The following CD7 variants were observed in gnomAD, a reference collection of about 807,000 sequenced individuals.
CD7 encodes T-cell antigen CD7.
In CD7, 19 loss-of-function variants were observed where a neutral mutation model predicts 17.6. The observed-to-expected ratio is 1.08, with a 90% confidence interval of 0.75 to 1.58. The LOEUF is 1.58. Ranked by LOEUF, CD7 falls within the 40% of genes most tolerant of loss-of-function variation. The pLI is 0.00. For missense variants in CD7, 291 were observed against 327.1 expected, an observed-to-expected ratio of 0.89 and a Z score of 0.85; for synonymous variants, 160 against 159.8, an observed-to-expected ratio of 1.00 and a Z score of -0.01.
Position 82,315,336 on chromosome 17 carries a change from G to C in CD7, c.708C>G (p.Pro236=). Residue 236 remains proline (P), a synonymous_variant, in exon 4 of 4, where the codon CCC becomes CCG. Coordinates refer to ENST00000312648, the MANE Select transcript of CD7 (RefSeq NM_006137.7). ...GCCCACTGGGTCACTGGTACTGGTT[G>C]GGGGAGGACAGCGTGTTGCAGCGGC... ...SHSRCNTLSS[P]NQYQ 7 of 1,612,244 alleles carry C rather than the reference G, an allele frequency of 4.3e-6. No individual in the cohort carries two copies. Among genetic ancestry groups the C allele is most frequent in the Non-Finnish European group, 5.9e-6 (7 of 1,178,828 alleles).
Position 82,315,272 on chromosome 17 carries a change from G to T in CD7, c.*49C>A. 8.4e-7 allele frequency: 1 copy of T among 1,189,350 alleles called. No individual in the cohort carries two copies. 73.7% of individuals were successfully genotyped at this position (1,189,350 alleles called of 1,614,324 possible). A position where few individuals can be genotyped will look rare whatever the true frequency, so the allele number is the denominator to read the frequency against. On this transcript the variant is annotated 3_prime_UTR_variant, in exon 4 of 4. Coordinates refer to ENST00000312648, the MANE Select transcript of CD7 (RefSeq NM_006137.7). ...GCAGGGTGGGGGGCATGGTGGGGCA[G>T]GGAAGGTGCTGGGGGGACCACAGGC...
Position 82,315,679 on chromosome 17 carries a change from C to T in CD7, c.613-248G>A, listed in dbSNP as rs573364301. 1.8e-3 allele frequency: 970 copies of T among 548,168 alleles called. 9 individuals are homozygous for T. Among genetic ancestry groups the T allele is most frequent in the African/African-American group, 0.016 (850 of 52,852 alleles). 34.0% of individuals were successfully genotyped at this position (548,168 alleles called of 1,614,324 possible). On this transcript the variant is annotated intron_variant, in intron 3 of 3. Transcript: ENST00000312648. Reference sequence around the variant, plus strand: ...ACCCCCCCACCAAGCCCAAGCCAAGCGGGACCCCCACTCCAGCCCCAGACA... The same window carrying T: ...ACCCCCCCACCAAGCCCAAGCCAAGTGGGACCCCCACTCCAGCCCCAGACA...
Position 82,316,906 on chromosome 17 carries a change from C to T in CD7, c.158G>A (p.Gly53Asp), listed in dbSNP as rs777449291. 6 of 1,612,224 alleles carry T rather than the reference C, an allele frequency of 3.7e-6. No homozygotes were observed. The highest frequency in any genetic ancestry group is 2.5e-6 in the Non-Finnish European group (3 of 1,179,860). Residue 53 changes from glycine (G) to aspartate (D), a missense_variant, in exon 2 of 4, where the codon GGC (glycine) becomes GAC (aspartate). Transcript: ENST00000312648. ...SVNITCSTSG[G>D]LRGIYLRQLG... ...CTGCCTCAGGTAGATCCCACGCAGG[C>T]CCCCGCTGGTGGAGCAGGTGATGTT...
chr17:82,316,363 C>G lies in CD7; in HGVS notation c.444G>C (p.Arg148Ser). 3 of 1,593,746 alleles carry G rather than the reference C, an allele frequency of 1.9e-6. No homozygotes were observed. Among genetic ancestry groups the G allele is most frequent in the African/African-American group, 1.3e-5 (1 of 74,482 alleles). ...GWHRCSDAPP[R>S]ASALPAPPTG... ...TCGGTGGGGCAGGGAGGGCAGAGGC[C>G]CTTGGTGGGGCGTCCGAGCATCTGT... The change falls in exon 3 of 4, where the codon AGG becomes AGC. Residue 148 changes from arginine (R) to serine (S), a missense_variant. Coordinates refer to ENST00000312648, the MANE Select transcript of CD7 (RefSeq NM_006137.7).
Position 82,317,467 on chromosome 17 carries a change from A to G in CD7, c.29T>C (p.Leu10Pro). ...GCGAGCCAGCGCCAGAAGCAGGGGCAGCAGCAGGAGCCTCGGAGGCCCGGC... is the reference window on the plus strand; with the variant it reads ...GCGAGCCAGCGCCAGAAGCAGGGGCGGCAGCAGGAGCCTCGGAGGCCCGGC... Reference protein sequence around the residue: MAGPPRLLLLPLLLALARGL... With the variant: MAGPPRLLLPPLLLALARGL... Residue 10 changes from leucine (L) to proline (P), a missense_variant, in exon 1 of 4, where the codon CTG becomes CCG. Physicochemically the swap from Leu to Pro is moderately conservative, Grantham distance 98. Transcript: ENST00000312648. 2 of 1,574,002 alleles carry G rather than the reference A, an allele frequency of 1.3e-6. No homozygotes were observed. Among genetic ancestry groups the G allele is most frequent in the East Asian group, 2.3e-5 (1 of 42,880 alleles).
In CD7 at chr17:82,315,040, G is replaced by A; in HGVS notation, c.*281C>T. 1 of 401,120 alleles carries A rather than the reference G, an allele frequency of 2.5e-6. No individual in the cohort carries two copies. The highest frequency in any genetic ancestry group is 4.8e-6 in the Non-Finnish European group (1 of 209,778). 24.8% of individuals were successfully genotyped at this position (401,120 alleles called of 1,614,324 possible). A position where few individuals can be genotyped will look rare whatever the true frequency, so the allele number is the denominator to read the frequency against. On this transcript the variant is annotated 3_prime_UTR_variant, in exon 4 of 4. Transcript: ENST00000312648. The stretch of plus-strand genomic sequence containing the variant: ...CCACAGAAAAGCCCTCCTTGGCCAT[G>A]GTCGGGAGATGCAGCCAAAGGACAG...
rs2052023268 is a variant in CD7 at position 82,316,953 on chromosome 17, A to G, written c.111T>C (p.Thr37=). Reference sequence around the variant, plus strand: ...TGTTGACGGAGGCTCCCACGGGGACAGTCGTGCAGTGGGGAGACTGCTGCA... The same window carrying G: ...TGTTGACGGAGGCTCCCACGGGGACGGTCGTGCAGTGGGGAGACTGCTGCA... ...QEVQQSPHCT[T]VPVGASVNIT... Residue 37 remains threonine, a synonymous_variant, in exon 2 of 4, where the codon ACT becomes ACC. Coordinates refer to ENST00000312648, the MANE Select transcript of CD7 (RefSeq NM_006137.7). 1 of 1,601,102 alleles carries G rather than the reference A, an allele frequency of 6.2e-7. No individual in the cohort carries two copies. Among genetic ancestry groups the G allele is most frequent in the Admixed American group, 1.7e-5 (1 of 59,776 alleles).
intron 3 of CD7, 180 bp downstream of exon 3, chr17:82,316,015 C>T (rs1274305512): frequency 7.0e-6 from 5 of 711,814 alleles, no homozygotes; most frequent in South Asian, 3.1e-5. Context: ...CCCCTCAGGT[C>T]GCTTTGGTGC....
chr17:82,315,214 C>T lies in CD7; in HGVS notation c.*107G>A, dbSNP rs889507074. On this transcript the variant is annotated 3_prime_UTR_variant, in exon 4 of 4. Coordinates refer to ENST00000312648, the MANE Select transcript of CD7 (RefSeq NM_006137.7). ...CGGCTGGGCCCTTCAAACTCTGCTGCAGCCGTGGGAGGACAGCAGGGTGAG... is the reference window on the plus strand; with the variant it reads ...CGGCTGGGCCCTTCAAACTCTGCTGTAGCCGTGGGAGGACAGCAGGGTGAG... 30 of 744,646 alleles carry T rather than the reference C, an allele frequency of 4.0e-5. No homozygotes were observed. Among genetic ancestry groups the T allele is most frequent in the Non-Finnish European group, 6.1e-5 (27 of 439,074 alleles). The allele number at this position is 744,646 out of a possible 1,614,324, so 46.1% of individuals were successfully genotyped here. A position where few individuals can be genotyped will look rare whatever the true frequency, so the allele number is the denominator to read the frequency against.
intron 2 of CD7, 95 bp from the exon 3 acceptor site, chr17:82,316,504 G>T: frequency 1.5e-6 from 2 of 1,304,950 alleles, no homozygotes; most frequent in Non-Finnish European, 1.1e-6. Flanking sequence ...GCTGTGGAGG[G>T]GAGGAGGGGC....
chr17:82,316,928 T>C lies in CD7; in HGVS notation c.136A>G (p.Ile46Val), dbSNP rs146449655. 133 of 1,609,504 alleles carry C rather than the reference T, an allele frequency of 8.3e-5. No homozygotes were observed. Among genetic ancestry groups the C allele is most frequent in the Non-Finnish European group, 1.1e-4 (127 of 1,179,568 alleles). The stretch of plus-strand genomic sequence containing the variant: ...AGGCCCCCGCTGGTGGAGCAGGTGA[T>C]GTTGACGGAGGCTCCCACGGGGACA... ...TTVPVGASVN[I>V]TCSTSGGLRG... Residue 46 changes from isoleucine (I) to valine (V), a missense_variant, in exon 2 of 4, where the codon ATC becomes GTC. Transcript: ENST00000312648.
At position 82,316,883 on chromosome 17, in the gene CD7, G is replaced by A; in HGVS notation, c.181C>T (p.Gln61Ter). ...SGGLRGIYLR[Q>*]LGPQPQDIIY... ...ATGTCTTGGGGCTGTGGCCCGAGCT[G>A]CCTCAGGTAGATCCCACGCAGGCCC... Residue 61 changes from glutamine to a stop codon, truncating the protein, a stop_gained, in exon 2 of 4, where the codon CAG (glutamine) becomes TAG (stop). Coordinates refer to ENST00000312648, the MANE Select transcript of CD7 (RefSeq NM_006137.7). LOFTEE classifies it high-confidence loss of function. 1.2e-6 allele frequency: 2 copies of A among 1,613,428 alleles called. No individual in the cohort carries two copies. Among genetic ancestry groups the A allele is most frequent in the Non-Finnish European group, 1.7e-6 (2 of 1,179,968 alleles).
chr17:82,315,953 C>G (rs913148105), intron 3 of CD7: 1 of 494,972 alleles, frequency 2.0e-6, no homozygotes, highest in African/African-American at 2.5e-5. Context: ...ACACTCACAC[C>G]TGCACACGCG....
chr17:82,315,733 G>C lies in CD7; in HGVS notation c.613-302C>G. On this transcript the variant is annotated intron_variant, in intron 3 of 3. Coordinates refer to ENST00000312648, the MANE Select transcript of CD7 (RefSeq NM_006137.7). The stretch of plus-strand genomic sequence containing the variant: ...AGCAGGGACCGAGGGGAGTGGCCAC[G>C]CCTAGACTCTGTGTCTGTCTGAGGC... 2 of 547,246 alleles carry C rather than the reference G, an allele frequency of 3.7e-6. 1 individual carries two copies. Among genetic ancestry groups the C allele is most frequent in the South Asian group, 4.1e-5 (2 of 48,470 alleles). The allele number at this position is 547,246 out of a possible 1,614,324, so 33.9% of individuals were successfully genotyped here.
At chr17:82,317,324 G>A (rs2052026961) in intron 1 of CD7, 90 bp downstream of exon 1, 3 of 1,259,286 alleles carry the variant, frequency 2.4e-6, no homozygotes, top group South Asian at 1.3e-5. Context: ...CTTCCTGGGG[G>A]CTGTGCTGTG....
At chr17:82,317,027 G>A in intron 1 of CD7, 46 bp from the exon 2 acceptor site, 1 of 1,488,518 alleles carries the variant, frequency 6.7e-7, no homozygotes, top group Non-Finnish European at 9.0e-7. Context: ...CAGAAGGACA[G>A]AGAATGTCCT....
intron 1 of CD7, 200 bp downstream of exon 1, chr17:82,317,214 C>T: frequency 1.5e-6 from 1 of 668,178 alleles, no homozygotes; most frequent in South Asian, 1.9e-5. Context: ...AAAGCAGCGG[C>T]CCTGCCTGGA....
Position 82,317,425 on chromosome 17 carries a change from AG to A in CD7, c.70del (p.Leu24TrpfsTer36), listed in dbSNP as rs1567839176. On this transcript the variant is annotated frameshift_variant, in exon 1 of 4. Transcript: ENST00000312648. LOFTEE classifies it high-confidence loss of function. ...TGGGAAGCTCTTACCTTGGGCAGCC[AG>A]GGCCCCAGGCAGGCCGCGAGCCAGC... ...LALARGLPGA[L>X]AAQEVQQSPH... 1 of 1,558,530 alleles carries A rather than the reference AG, an allele frequency of 6.4e-7. No individual in the cohort carries two copies. Among genetic ancestry groups the A allele is most frequent in the Admixed American group, 1.9e-5 (1 of 52,626 alleles).
In CD7 at chr17:82,317,459, G is replaced by A; in HGVS notation, c.37C>T (p.Leu13Phe). The change falls in exon 1 of 4, where the codon CTT becomes TTT. Residue 13 changes from leucine to phenylalanine, a missense_variant. Physicochemically the swap from Leu to Phe is conservative, Grantham distance 22 (BLOSUM62 0). Transcript: ENST00000312648. ...GGCAGGCCGCGAGCCAGCGCCAGAA[G>A]CAGGGGCAGCAGCAGGAGCCTCGGA... ...GPPRLLLLPL[L>F]LALARGLPGA... 6.3e-7 allele frequency: 1 copy of A among 1,574,924 alleles called. No homozygotes were observed. Among genetic ancestry groups the A allele is most frequent in the Non-Finnish European group, 8.6e-7 (1 of 1,160,932 alleles).
Sources: allele counts gnomAD v4.1 joint callset, GRCh38; gene constraint gnomAD v4.1.1; transcripts MANE v1.5; gene names NCBI Gene and HGNC (gene_info 2026-07-23, HGNC 2026-07-21).